The following ATP2C1 variants were observed in gnomAD, a reference collection of about 807,000 sequenced individuals.
The protein encoded by ATP2C1 is calcium-transporting ATPase type 2C member 1.
In ATP2C1, 31 loss-of-function variants were observed where a neutral mutation model predicts 120.5. That is an observed-to-expected ratio of 0.26 (90% CI 0.19 to 0.35). ATP2C1 has a LOEUF of 0.35. Among genes scored for constraint, ATP2C1 ranks in the 10% least tolerant of loss-of-function variants. The pLI, the probability that ATP2C1 is intolerant of heterozygous loss-of-function variation, is 1.00. For synonymous variants in ATP2C1, 351 were observed against 358.7 expected (o/e 0.98, Z 0.24); for missense variants, 731 against 1,107.5 (o/e 0.66, Z 4.83).
At chr3:130,901,892 A>C (rs1389341101) in intron 2 of ATP2C1, among the ~76,000 whole-genome samples, 1 of 151,962 alleles carries the variant, frequency 6.6e-6, no homozygotes, top group Admixed American at 6.6e-5. Flanking sequence ...ATGTTTAGAG[A>C]AATGCTGGGT....
At chr3:130,912,972 A>T (rs1450350123) in intron 2 of ATP2C1, among the ~76,000 whole-genome samples, 1 of 150,028 alleles carries the variant, frequency 6.7e-6, no homozygotes, top group African/African-American at 2.5e-5. Context: ...ATGAAATTGG[A>T]AATCATCATT....
chr3:130,964,930 A>G lies in ATP2C1; in HGVS notation c.1025-18A>G. Reference sequence around the variant, plus strand: ...CTCCTTGATTCTTTTGGTGACTTGTAATGATTTAATTCTTTAGGCTGCTGT... The same window carrying G: ...CTCCTTGATTCTTTTGGTGACTTGTGATGATTTAATTCTTTAGGCTGCTGT... On this transcript the variant is annotated intron_variant, in intron 13 of 27. Coordinates refer to ENST00000510168, the MANE Select transcript of ATP2C1 (RefSeq NM_001378687.1). 1.0e-5 allele frequency: 16 copies of G among 1,581,746 alleles called. No homozygotes were observed. Among genetic ancestry groups the G allele is most frequent in the Non-Finnish European group, 1.4e-5 (16 of 1,152,358 alleles).
At chr3:130,993,816 A>G in intron 21 of ATP2C1, 116 bp from the exon 22 acceptor site, 1 of 1,049,978 alleles carries the variant, frequency 9.5e-7, no homozygotes, top group Non-Finnish European at 1.4e-6. Flanking sequence ...GGTGGTCTAT[A>G]TTATTTCTAA....
intron 4 of ATP2C1, 45 bp from the exon 5 acceptor site, chr3:130,934,577 T>C (rs756309330): frequency 1.8e-5 from 22 of 1,256,472 alleles, no homozygotes; most frequent in Non-Finnish European, 1.8e-5. Flanking sequence ...GAGAGAACTG[T>C]CATGTACAAA....
intron 27 of ATP2C1, 53 bp downstream of exon 27, chr3:130,999,712 C>T: frequency 6.7e-7 from 1 of 1,488,894 alleles, no homozygotes; most frequent in Non-Finnish European, 9.2e-7. Context: ...ATCATATTTT[C>T]TAATGTGTTT....
chr3:130,983,988 C>T (rs1378099693), intron 20 of ATP2C1, among the ~76,000 whole-genome samples: 4 of 152,132 alleles, frequency 2.6e-5, no homozygotes, highest in South Asian at 2.1e-4. Context: ...CAGGTTTTTG[C>T]GTAGACATAA....
chr3:130,994,682 CT>C (rs979556609), intron 22 of ATP2C1, among the ~76,000 whole-genome samples: 2 of 151,874 alleles, frequency 1.3e-5, no homozygotes, highest in African/African-American at 4.8e-5. Context: ...TGGTAGCTAC[CT>C]GTTGGATGAC....
intron 26 of ATP2C1, chr3:131,013,983 G>T: frequency 9.1e-7 from 1 of 1,104,510 alleles, no homozygotes; most frequent in Non-Finnish European, 1.3e-6. Context: ...AAAGCTAATT[G>T]TTTCAAGGGT....
intron 2 of ATP2C1, 37 bp from the exon 3 acceptor site, chr3:130,930,379 T>C (rs1257276474): frequency 1.6e-6 from 2 of 1,274,508 alleles, no homozygotes; most frequent in Non-Finnish European, 2.3e-6. Context: ...ACTTGTTTGC[T>C]ATATTCAAAT....
At chr3:130,907,857 G>A (rs1045128409) in intron 2 of ATP2C1, among the ~76,000 whole-genome samples, 2 of 150,432 alleles carry the variant, frequency 1.3e-5, no homozygotes, top group African/African-American at 4.9e-5. Flanking sequence ...GCCTTGAATT[G>A]TCCTTTACTT....
Position 130,894,282 on chromosome 3 carries a change from C to T in ATP2C1, c.-236C>T, listed in dbSNP as rs2069376392. 2.0e-6 allele frequency: 2 copies of T among 986,178 alleles called. No homozygotes were observed. Among genetic ancestry groups the T allele is most frequent in the Non-Finnish European group, 2.4e-6 (2 of 830,460 alleles). The allele number at this position is 986,178 out of a possible 1,614,324, so 61.1% of individuals were successfully genotyped here. On this transcript the variant is annotated 5_prime_UTR_variant, in exon 1 of 28. Coordinates refer to ENST00000510168, the MANE Select transcript of ATP2C1 (RefSeq NM_001378687.1). This position sits in a 1 kb window ranked among gnomAD's most constrained non-coding sequence, Gnocchi z 4.5. ...TCTCCCGAGGCGCGCGGGGCGCCCC[C>T]GCGAGCCCCGCGGCTGAGACCCCGC...
intron 1 of ATP2C1, among the ~76,000 whole-genome samples, chr3:130,853,598 T>C (rs2067745114): frequency 6.6e-6 from 1 of 152,216 alleles, no homozygotes; most frequent in Admixed American, 6.5e-5. Context: ...GGAGGTCTCC[T>C]GTACATCCTT....
intron 3 of ATP2C1, among the ~76,000 whole-genome samples, chr3:130,930,837 A>C (rs979676742): frequency 1.3e-5 from 2 of 152,174 alleles, no homozygotes; most frequent in Admixed American, 6.6e-5. Context: ...CAGCTCTAGA[A>C]CATAATAGCT....
At position 130,998,324 on chromosome 3, in the gene ATP2C1, A is replaced by G; in HGVS notation, c.2422A>G (p.Thr808Ala). 1 of 1,612,948 alleles carries G rather than the reference A, an allele frequency of 6.2e-7. No homozygotes were observed. Among genetic ancestry groups the G allele is most frequent in the Non-Finnish European group, 8.5e-7 (1 of 1,178,902 alleles). Residue 808 changes from threonine (T) to alanine (A), a missense_variant, in exon 26 of 28, where the codon ACA (threonine) becomes GCA (alanine). Coordinates refer to ENST00000510168, the MANE Select transcript of ATP2C1 (RefSeq NM_001378687.1). ...LRDNVITPRD[T>A]TMTFTCFVFF... Reference sequence around the variant, plus strand: ...AGACAATGTGATTACACCTCGAGACACAACAATGACCTTCACATGCTTTGT... The same window carrying G: ...AGACAATGTGATTACACCTCGAGACGCAACAATGACCTTCACATGCTTTGT...
At chr3:131,009,785 T>C (rs774186032) in intron 26 of ATP2C1, among the ~76,000 whole-genome samples, 1 of 152,204 alleles carries the variant, frequency 6.6e-6, no homozygotes, top group Non-Finnish European at 1.5e-5. Flanking sequence ...AAGAGTAGTA[T>C]TTAATTTCAA....
chr3:130,866,804 C>T (rs991283966), intron 1 of ATP2C1, among the ~76,000 whole-genome samples: 3 of 152,138 alleles, frequency 2.0e-5, no homozygotes, highest in African/African-American at 7.2e-5. Flanking sequence ...TATTCATGTA[C>T]GGTCATACTT....
intron 20 of ATP2C1, among the ~76,000 whole-genome samples, chr3:130,989,270 CAA>C (rs2062184988): frequency 8.7e-6 from 1 of 115,544 alleles, no homozygotes; most frequent in African/African-American, 3.2e-5. Context: ...AACAAAAAAA[CAA>C]ACACACAAAA....
intron 18 of ATP2C1, 31 bp downstream of exon 18, chr3:130,975,519 T>C: frequency 1.2e-6 from 2 of 1,610,078 alleles, no homozygotes; most frequent in Non-Finnish European, 1.7e-6. Flanking sequence ...TCCCCTGGGG[T>C]GGAAAGGTAG....
chr3:130,996,361 T>G, intron 23 of ATP2C1: 1 of 578,398 alleles, frequency 1.7e-6, no homozygotes, highest in Non-Finnish European at 3.0e-6. Context: ...ATAGCTCACA[T>G]CTCATTGTTT....
Sources: gnomAD v4.1 joint callset for allele counts (sites outside exome capture counted in the v4.1 genomes callset) on GRCh38, gnomAD v4.1.1 for gene constraint, Gnocchi (gnomAD v3.1) non-coding constraint, MANE v1.5 for transcripts, NCBI Gene and HGNC (gene_info 2026-07-23, HGNC 2026-07-21) for gene names.